NFIX: variants seen among roughly 807,000 people sequenced by gnomAD.
NFIX encodes nuclear factor I X, also known as nuclear factor 1 X-type.
NFIX carries 2 observed loss-of-function variants against 53.3 expected under a neutral mutation model. The observed-to-expected ratio is 0.04, with a 90% confidence interval of 0.02 to 0.12. NFIX has a LOEUF of 0.12. Ranked by LOEUF, NFIX falls within the 10% of genes least tolerant of loss-of-function variation. NFIX has a pLI of 1.00. For synonymous variants in NFIX, 244 were observed against 289.0 expected, an observed-to-expected ratio of 0.84 and a Z score of 1.58; for missense variants, 310 against 674.5, an observed-to-expected ratio of 0.46 and a Z score of 5.99.
intron 2 of NFIX, among the ~76,000 whole-genome samples, chr19:13,030,993 G>A (rs936414893): frequency 6.6e-6 from 1 of 152,224 alleles, no homozygotes; most frequent in African/African-American, 2.4e-5. Flanking sequence ...ACAACTTGGG[G>A]TGCTGGGTCT....
In NFIX at chr19:13,081,889, G is replaced by A. The variant is rs773978509; in HGVS notation, c.1254+34G>A. ...AGAGGGCCCCAGGAGCCCGGCTACA[G>A]CCTCATCTCCACATCTATCTGTCTG... On this transcript the variant is annotated intron_variant, in intron 8 of 10. Coordinates refer to ENST00000592199, the MANE Select transcript of NFIX (RefSeq NM_001365902.3). The surrounding 1 kb of genome is among the most constrained non-coding windows in gnomAD (Gnocchi z 4.7). 1 of 1,609,498 alleles carries A rather than the reference G, an allele frequency of 6.2e-7. No individual in the cohort carries two copies. The highest frequency in any genetic ancestry group is 1.7e-5 in the Admixed American group (1 of 59,674).
At chr19:13,026,515 C>G (rs539432453) in intron 2 of NFIX, among the ~76,000 whole-genome samples, 1 of 151,888 alleles carries the variant, frequency 6.6e-6, no homozygotes, top group South Asian at 2.1e-4. Flanking sequence ...CCTTTTTTCC[C>G]TTACCCTTTC....
Position 13,073,656 on chromosome 19 carries a change from G to A in NFIX, c.697+160G>A, listed in dbSNP as rs1458912299. ...CTGGTGCTGGGCTGGGTACAATAGA[G>A]TCTTCCAGAGAGGCCTGTCTCCAGT... On this transcript the variant is annotated intron_variant, in intron 4 of 10. Coordinates refer to ENST00000592199, the MANE Select transcript of NFIX (RefSeq NM_001365902.3). The surrounding 1 kb of genome is among the most constrained non-coding windows in gnomAD (Gnocchi z 4.5). 6.6e-6 allele frequency among the ~76,000 whole-genome samples: 1 copy of A among 152,154 alleles called. No homozygotes were observed. The highest frequency in any genetic ancestry group is 2.1e-4 in the South Asian group (1 of 4,826).
chr19:13,080,860 C>T (rs935879289), intron 7 of NFIX, among the ~76,000 whole-genome samples: 1 of 151,826 alleles, frequency 6.6e-6, no homozygotes, highest in African/African-American at 2.4e-5. Flanking sequence ...ATTAGCCGGG[C>T]GTGGTGGTGG....
chr19:13,061,513 T>C (rs2016088505), intron 2 of NFIX, among the ~76,000 whole-genome samples: 1 of 152,210 alleles, frequency 6.6e-6, no homozygotes, highest in East Asian at 1.9e-4. Context: ...GCCGCAGCCC[T>C]CGGAGGGCAG....
intron 5 of NFIX, among the ~76,000 whole-genome samples, chr19:13,074,744 G>A (rs2016978563): frequency 1.3e-5 from 2 of 150,072 alleles, no homozygotes; most frequent in Admixed American, 6.6e-5. Flanking sequence ...TATTAATTGC[G>A]AGATTTTTGG....
chr19:13,039,350 A>G (rs2014453746), intron 2 of NFIX, among the ~76,000 whole-genome samples: 1 of 152,040 alleles, frequency 6.6e-6, no homozygotes, highest in South Asian at 2.1e-4. Flanking sequence ...GCCACTGTCT[A>G]ATATTAGATT....
In NFIX at chr19:13,090,436, G is replaced by C; in HGVS notation, c.1494+46G>C. ...CCTGGATGCAGGGACCAGGGGAGTA[G>C]TCAGGGTTGGGGGGCATCTTGGTGT... On this transcript the variant is annotated intron_variant, in intron 10 of 10. Coordinates refer to ENST00000592199, the MANE Select transcript of NFIX (RefSeq NM_001365902.3). This position sits in a 1 kb window ranked among gnomAD's most constrained non-coding sequence, Gnocchi z 6.6. 1.9e-6 allele frequency: 3 copies of C among 1,563,058 alleles called. No individual in the cohort carries two copies. Among genetic ancestry groups the C allele is most frequent in the Non-Finnish European group, 2.6e-6 (3 of 1,133,998 alleles).
intron 2 of NFIX, chr19:13,070,113 C>T (rs2145416631): frequency 6.6e-6 from 1 of 152,386 alleles, no homozygotes; most frequent in South Asian, 2.1e-4. Context: ...GGCAGGACGT[C>T]TCCTTGCCTC....
Position 13,097,867 on chromosome 19 carries a change from A to C in NFIX, c.*3218A>C. ...TTCAACATCTCTCATCCTATCCCCG[A>C]CCCCCTCCGGGGAACACCGGGAAGG... is the stretch of plus-strand genomic sequence containing the variant. On this transcript the variant is annotated 3_prime_UTR_variant, in exon 11 of 11. Transcript: ENST00000592199. 1 of 141,124 alleles carries C rather than the reference A, an allele frequency of 7.1e-6. No homozygotes were observed. Among genetic ancestry groups the C allele is most frequent in the Non-Finnish European group, 1.5e-5 (1 of 64,546 alleles). 8.7% of individuals were successfully genotyped at this position (141,124 alleles called of 1,614,324 possible). A position where few individuals can be genotyped will look rare whatever the true frequency, so the allele number is the denominator to read the frequency against.
intron 8 of NFIX, 65 bp from the exon 9 acceptor site, chr19:13,087,924 C>T (rs962894838): frequency 2.9e-5 from 45 of 1,528,118 alleles, no homozygotes; most frequent in African/African-American, 4.1e-5. Context: ...GGCGCGGCCG[C>T]GCAGGGGAGC....
intron 1 of NFIX, 121 bp downstream of exon 1, chr19:12,995,985 C>G (rs915837721): frequency 7.9e-5 from 22 of 278,970 alleles, no homozygotes; most frequent in African/African-American, 5.1e-4. Context: ...CGCGGGCCGC[C>G]GAGGGGTGCA....
At position 13,051,760 on chromosome 19, in the gene NFIX, TTGACCCC is replaced by T. The variant is rs1162431390; in HGVS notation, c.560-21281_560-21275del. Among the ~76,000 whole-genome samples the T allele has an allele frequency of 3.9e-5, 6 of 152,172 alleles. No homozygotes were observed. Among genetic ancestry groups the T allele is most frequent in the Admixed American group, 6.5e-5 (1 of 15,286 alleles). On this transcript the variant is annotated intron_variant, in intron 2 of 10. Coordinates refer to ENST00000592199, the MANE Select transcript of NFIX (RefSeq NM_001365902.3). This position sits in a 1 kb window ranked among gnomAD's most constrained non-coding sequence, Gnocchi z 5.1. Reference sequence around the variant, plus strand: ...GTCTTGACCTCAAGAGCCTTCCCTATTGACCCCTGACCAGCGATACTAATCTGTGTCA... The same window carrying T: ...GTCTTGACCTCAAGAGCCTTCCCTATTGACCAGCGATACTAATCTGTGTCA...
At position 13,036,887 on chromosome 19, in the gene NFIX, C is replaced by T. The variant is rs538572562; in HGVS notation, c.559+11335C>T. Among the ~76,000 whole-genome samples the T allele has an allele frequency of 1.4e-4, 22 of 152,224 alleles. No individual in the cohort carries two copies. Among genetic ancestry groups the T allele is most frequent in the Non-Finnish European group, 2.4e-4 (16 of 68,024 alleles). On this transcript the variant is annotated intron_variant, in intron 2 of 10. Coordinates refer to ENST00000592199, the MANE Select transcript of NFIX (RefSeq NM_001365902.3). This position sits in a 1 kb window ranked among gnomAD's most constrained non-coding sequence, Gnocchi z 4.7. ...GTTAGGGGGTGGTAGGAGGGACCTG[C>T]GGCCCCACCCGGACACATGACATCA... is the stretch of plus-strand genomic sequence containing the variant.
At position 13,093,038 on chromosome 19, in the gene NFIX, G is replaced by A. The variant is rs889892743; in HGVS notation, c.1495-1597G>A. On this transcript the variant is annotated intron_variant, in intron 10 of 10. Transcript: ENST00000592199. This position sits in a 1 kb window ranked among gnomAD's most constrained non-coding sequence, Gnocchi z 4.7. ...CTGCTCATTGTGGCAATCCCAAACC[G>A]CCACATTTCCAGATGCTCTTGATCT... 1.3e-5 allele frequency among the ~76,000 whole-genome samples: 2 copies of A among 152,206 alleles called. No individual in the cohort carries two copies. The highest frequency in any genetic ancestry group is 1.9e-4 in the East Asian group (1 of 5,200).
chr19:13,031,932 C>T (rs1449507753), intron 2 of NFIX, among the ~76,000 whole-genome samples: 1 of 152,140 alleles, frequency 6.6e-6, no homozygotes, highest in African/African-American at 2.4e-5. Flanking sequence ...AGGTGACTCC[C>T]TCCCCACCCC....
chr19:13,027,929 G>A lies in NFIX; in HGVS notation c.559+2377G>A, dbSNP rs2013496314. The stretch of plus-strand genomic sequence containing the variant: ...ACTCCAGATAATTTCAGTGAAGGTA[G>A]GATTTTTCTCACTGGAATTGCTTTA... On this transcript the variant is annotated intron_variant, in intron 2 of 10. Coordinates refer to ENST00000592199, the MANE Select transcript of NFIX (RefSeq NM_001365902.3). This position sits in a 1 kb window ranked among gnomAD's most constrained non-coding sequence, Gnocchi z 4.3. 2.0e-5 allele frequency among the ~76,000 whole-genome samples: 3 copies of A among 152,220 alleles called. No homozygotes were observed. Among genetic ancestry groups the A allele is most frequent in the Non-Finnish European group, 1.5e-5 (1 of 68,044 alleles).
chr19:13,051,960 C>T lies in NFIX; in HGVS notation c.560-21087C>T, dbSNP rs567528987. Among the ~76,000 whole-genome samples the T allele has an allele frequency of 2.9e-4, 44 of 152,310 alleles. No homozygotes were observed. The highest frequency in any genetic ancestry group is 1.0e-3 in the African/African-American group (42 of 41,578). ...TTCTCCGCTCCGGCTTCATGCTCTC[C>T]AGGTTTCTCCACTTCCTTTGCAGAC... On this transcript the variant is annotated intron_variant, in intron 2 of 10. Coordinates refer to ENST00000592199, the MANE Select transcript of NFIX (RefSeq NM_001365902.3). This position sits in a 1 kb window ranked among gnomAD's most constrained non-coding sequence, Gnocchi z 5.1.
chr19:13,034,829 C>T (rs569199939), intron 2 of NFIX, among the ~76,000 whole-genome samples: 1 of 151,248 alleles, frequency 6.6e-6, no homozygotes, highest in African/African-American at 2.5e-5. Context: ...GCTGGCTCAC[C>T]GCTCTAGATT....
Sources: gnomAD v4.1 joint callset for allele counts (sites outside exome capture counted in the v4.1 genomes callset) on GRCh38, gnomAD v4.1.1 for gene constraint, Gnocchi (gnomAD v3.1) non-coding constraint, MANE v1.5 for transcripts, NCBI Gene and HGNC (gene_info 2026-07-23, HGNC 2026-07-21) for gene names.